RBFOX1: variants seen among roughly 807,000 people sequenced by gnomAD.
The protein encoded by RBFOX1 is RNA binding fox-1 homolog 1, also known as RNA binding protein fox-1 homolog 1.
In RBFOX1, 8 loss-of-function variants were observed where a neutral mutation model predicts 57.7. The observed-to-expected ratio is 0.14, with a 90% CI of 0.08 to 0.25. The LOEUF is 0.25. Among genes scored for constraint, RBFOX1 ranks in the 10% least tolerant of loss-of-function variants. The pLI is 1.00. For synonymous variants in RBFOX1, 326 were observed against 222.4 expected (o/e 1.47, Z -4.15); for missense variants, 611 against 548.5 (o/e 1.11, Z -1.14).
intron 3 of RBFOX1, among the ~76,000 whole-genome samples, chr16:6,727,266 G>A (rs1305892989): frequency 6.6e-6 from 1 of 151,722 alleles, no homozygotes; most frequent in Non-Finnish European, 1.5e-5. Flanking sequence ...GTAATAATAG[G>A]TTAATGTAAA....
intron 4 of RBFOX1, among the ~76,000 whole-genome samples, chr16:7,381,249 G>C (rs920684165): frequency 6.6e-6 from 1 of 152,148 alleles, no homozygotes. Context: ...GGTGCAAGTG[G>C]AAATTTTTAT....
intron 1 of RBFOX1, among the ~76,000 whole-genome samples, chr16:5,274,905 A>T (rs2063105192): frequency 6.6e-6 from 1 of 152,194 alleles, no homozygotes; most frequent in African/African-American, 2.4e-5. Context: ...ATTAACTTCT[A>T]TTCTGCAGCA....
intron 10 of RBFOX1, among the ~76,000 whole-genome samples, chr16:7,620,436 G>A (rs1055551942): frequency 6.6e-6 from 1 of 152,100 alleles, no homozygotes; most frequent in Non-Finnish European, 1.5e-5. Flanking sequence ...AATCTCAGAC[G>A]TTCATTATTT....
In RBFOX1 at chr16:6,905,525, C is replaced by T. The variant is rs533258425; in HGVS notation, c.-15-146532C>T. 9.3e-5 allele frequency among the ~76,000 whole-genome samples: 14 copies of T among 150,344 alleles called. No homozygotes were observed. The South Asian group carries it at 2.3e-3, about 25-fold the overall frequency. On this transcript the variant is annotated intron_variant, in intron 3 of 15. Transcript: ENST00000550418. ...CCAAGCTGATGCCACTGCACTCTAG[C>T]CTAGGGGACAGAGTTAGACTCCATC...
chr16:5,570,238 A>T (rs948509033), intron 2 of RBFOX1, among the ~76,000 whole-genome samples: 1 of 152,120 alleles, frequency 6.6e-6, no homozygotes, highest in Non-Finnish European at 1.5e-5. Context: ...CATAGCACAC[A>T]TGATGGGTTT....
chr16:7,361,206 C>A (rs550626086), intron 4 of RBFOX1, among the ~76,000 whole-genome samples: 4 of 152,254 alleles, frequency 2.6e-5, no homozygotes, highest in African/African-American at 9.6e-5. Context: ...AAGCCAGTTT[C>A]GTTTTATGCA....
intron 3 of RBFOX1, among the ~76,000 whole-genome samples, chr16:5,738,901 G>A (rs1029355751): frequency 6.6e-6 from 1 of 152,144 alleles, no homozygotes; most frequent in Non-Finnish European, 1.5e-5. Context: ...AAACAACCAG[G>A]GAAGATGGAT....
chr16:6,225,396 G>A (rs1369680118), intron 1 of RBFOX1, among the ~76,000 whole-genome samples: 1 of 152,176 alleles, frequency 6.6e-6, no homozygotes, highest in Non-Finnish European at 1.5e-5. Context: ...TGGTTATGAA[G>A]CCCCTTTCTC....
intron 3 of RBFOX1, among the ~76,000 whole-genome samples, chr16:5,834,043 C>T (rs1056312230): frequency 1.3e-5 from 2 of 152,200 alleles, no homozygotes; most frequent in African/African-American, 4.8e-5. Flanking sequence ...CAGCCCCAGG[C>T]CTGGCACCAA....
At chr16:5,856,576 T>TGC (rs1491524909) in intron 3 of RBFOX1, among the ~76,000 whole-genome samples, 16 of 28,586 alleles carry the variant, frequency 5.6e-4, no homozygotes, top group Non-Finnish European at 8.2e-4. Context: ...TGTGTGTGTG[T>TGC]ATATATATAT....
At chr16:7,575,327 G>C (rs1329335548) in intron 5 of RBFOX1, among the ~76,000 whole-genome samples, 2 of 152,084 alleles carry the variant, frequency 1.3e-5, no homozygotes, top group African/African-American at 2.4e-5. Context: ...TAGAGACGGG[G>C]TTTCACCATG....
chr16:6,679,467 G>T (rs956954261), intron 3 of RBFOX1, among the ~76,000 whole-genome samples: 1 of 151,996 alleles, frequency 6.6e-6, no homozygotes, highest in South Asian at 2.1e-4. Context: ...TCCTTTCTTT[G>T]ACCTGGGAAG....
intron 2 of RBFOX1, among the ~76,000 whole-genome samples, chr16:6,454,180 T>A (rs916865653): frequency 1.3e-5 from 2 of 152,176 alleles, no homozygotes; most frequent in African/African-American, 4.8e-5. Flanking sequence ...CAAATACACA[T>A]TCTGATGTAC....
chr16:5,375,101 A>C (rs977811907), intron 1 of RBFOX1, among the ~76,000 whole-genome samples: 4 of 151,208 alleles, frequency 2.6e-5, no homozygotes, highest in South Asian at 2.1e-4. Context: ...AAAAAAAAAA[A>C]AAAAAAAAAA....
At chr16:5,874,487 G>A (rs1467692717) in intron 4 of RBFOX1, among the ~76,000 whole-genome samples, 1 of 152,084 alleles carries the variant, frequency 6.6e-6, no homozygotes, top group East Asian at 1.9e-4. Flanking sequence ...GTACTGATTG[G>A]ACTGAGCAGA....
At chr16:6,883,703 G>C (rs1342864978) in intron 3 of RBFOX1, among the ~76,000 whole-genome samples, 2 of 152,084 alleles carry the variant, frequency 1.3e-5, no homozygotes, top group African/African-American at 4.8e-5. Context: ...TCAAATATGA[G>C]ATAAAATAGT....
chr16:7,314,856 TC>T (rs1481580123), intron 4 of RBFOX1, among the ~76,000 whole-genome samples: 1 of 152,206 alleles, frequency 6.6e-6, no homozygotes, highest in Non-Finnish European at 1.5e-5. Flanking sequence ...TGATTCTTTT[TC>T]AATTTTTCAC....
intron 1 of RBFOX1, among the ~76,000 whole-genome samples, chr16:5,445,154 A>T (rs773088801): frequency 1.7e-4 from 26 of 152,194 alleles, no homozygotes; most frequent in Non-Finnish European, 2.6e-4. Context: ...GGAAGATGTT[A>T]CAATACTTTA....
intron 2 of RBFOX1, among the ~76,000 whole-genome samples, chr16:6,526,880 C>T (rs2096588167): frequency 8.8e-6 from 1 of 113,034 alleles, no homozygotes; most frequent in African/African-American, 3.2e-5. Context: ...AACAGAAATA[C>T]TCTAAGAGGT....
Sources: allele counts gnomAD v4.1 joint callset (sites outside exome capture counted in the v4.1 genomes callset), GRCh38; gene constraint gnomAD v4.1.1; transcripts MANE v1.5; gene names NCBI Gene and HGNC (gene_info 2026-07-23, HGNC 2026-07-21).